CNOT6L: variants seen among roughly 807,000 people sequenced by gnomAD.
CNOT6L encodes CCR4-NOT transcription complex subunit 6 like, also known as CCR4-NOT transcription complex subunit 6-like.
CNOT6L carries 7 observed loss-of-function variants against 64.0 expected under a neutral mutation model. The ratio of observed to expected loss-of-function variants is 0.11; its 90% confidence interval spans 0.06 to 0.21. The LOEUF (loss-of-function observed/expected upper bound fraction) is 0.21, where lower values mean the gene tolerates loss of function less well. Ranked by LOEUF, CNOT6L falls within the 10% of genes least tolerant of loss-of-function variation. The probability of loss-of-function intolerance (pLI) is 1.00; values close to 1 mark genes in which losing one functional copy is unlikely to be tolerated. For missense variants in CNOT6L, 245 were observed against 669.0 expected (o/e 0.37, Z 6.99); for synonymous variants, 193 against 243.4 (o/e 0.79, Z 1.93).
intron 1 of CNOT6L, 186 bp downstream of exon 1, chr4:77,819,118 C>T: frequency 1.7e-6 from 2 of 1,150,236 alleles, no homozygotes; most frequent in South Asian, 1.3e-5. Context: ...GGGTCAGCCC[C>T]GCCGCCCCCT....
At chr4:77,798,892 T>C (rs1011976787) in intron 1 of CNOT6L, among the ~76,000 whole-genome samples, 5 of 151,150 alleles carry the variant, frequency 3.3e-5, no homozygotes, top group Non-Finnish European at 5.9e-5. Flanking sequence ...CGAGGTAGGA[T>C]TGCTTGAGCC....
At chr4:77,723,388 T>C (rs886586408) in intron 11 of CNOT6L, among the ~76,000 whole-genome samples, 1 of 152,196 alleles carries the variant, frequency 6.6e-6, no homozygotes, top group Non-Finnish European at 1.5e-5. Flanking sequence ...ACCTCACTGA[T>C]ACAATGGCCC....
chr4:77,732,628 C>T (rs1722569635), intron 8 of CNOT6L, among the ~76,000 whole-genome samples: 1 of 152,018 alleles, frequency 6.6e-6, no homozygotes. Context: ...GTTTATGTGC[C>T]TATTTCTAAC....
At chr4:77,772,409 A>C (rs1577969200) in intron 4 of CNOT6L, among the ~76,000 whole-genome samples, 1 of 152,152 alleles carries the variant, frequency 6.6e-6, no homozygotes, top group East Asian at 1.9e-4. Flanking sequence ...TATTTTTAGT[A>C]GAGACAGGGT....
At chr4:77,737,753 A>C (rs1560579491) in intron 8 of CNOT6L, among the ~76,000 whole-genome samples, 1 of 151,974 alleles carries the variant, frequency 6.6e-6, no homozygotes, top group Non-Finnish European at 1.5e-5. Context: ...GTGCATCCAC[A>C]TTCATTATTT....
chr4:77,737,946 T>C (rs917871262), intron 8 of CNOT6L, among the ~76,000 whole-genome samples: 14 of 152,064 alleles, frequency 9.2e-5, no homozygotes, highest in African/African-American at 3.4e-4. Flanking sequence ...CAACCACCTA[T>C]GACACAGGAA....
chr4:77,787,535 T>C (rs1299001117), intron 1 of CNOT6L, among the ~76,000 whole-genome samples: 1 of 152,184 alleles, frequency 6.6e-6, no homozygotes, highest in East Asian at 1.9e-4. Flanking sequence ...TCATTACACT[T>C]ACCCCCAGTT....
At chr4:77,820,225 C>T (rs907114901), upstream of CNOT6L, among the ~76,000 whole-genome samples, 3 of 152,138 alleles carry the variant, frequency 2.0e-5, no homozygotes, top group African/African-American at 7.2e-5. Context: ...GCAGAGAGTG[C>T]GAGAACGAGG....
intron 5 of CNOT6L, among the ~76,000 whole-genome samples, chr4:77,752,984 A>G (rs546406028): frequency 6.6e-6 from 1 of 151,924 alleles, no homozygotes; most frequent in South Asian, 2.1e-4. Flanking sequence ...TCTGAAATGG[A>G]AAAAAGACAT....
At chr4:77,793,022 C>T (rs532887277) in intron 1 of CNOT6L, among the ~76,000 whole-genome samples, 1 of 151,416 alleles carries the variant, frequency 6.6e-6, no homozygotes, top group Non-Finnish European at 1.5e-5. Flanking sequence ...ACAGCCCCCA[C>T]AACAAGAAAT....
chr4:77,787,665 G>C (rs1577985353), intron 1 of CNOT6L, among the ~76,000 whole-genome samples: 1 of 152,102 alleles, frequency 6.6e-6, no homozygotes, highest in East Asian at 1.9e-4. Flanking sequence ...CCACTTAAAG[G>C]AGACTACACT....
Position 77,752,925 on chromosome 4 carries a change from GA to G in CNOT6L, c.490+3936del, listed in dbSNP as rs1440351321. ...CTAAAAGTTGGTTCTTCTTTTCAAA[GA>G]AAATATTAATAAATGCCTGCATAAT... On this transcript the variant is annotated intron_variant, in intron 5 of 11. Coordinates refer to ENST00000504123, the MANE Select transcript of CNOT6L (RefSeq NM_144571.3). Among the ~76,000 whole-genome samples the G allele has an allele frequency of 3.3e-5, 5 of 151,598 alleles. No individual in the cohort carries two copies. The South Asian group carries it at 1.0e-3, about 31-fold the overall frequency.
rs745353758 is a variant in CNOT6L, at chr4:77,773,070, A to AAT, written c.400+10_400+11insAT. The AAT allele has an allele frequency of 2.3e-5, 37 of 1,578,474 alleles. No homozygotes were observed. Among genetic ancestry groups the AAT allele is most frequent in the Admixed American group, 3.6e-5 (2 of 55,100 alleles). On this transcript the variant is annotated intron_variant, in intron 4 of 11. Transcript: ENST00000504123. ...CTCAGAATACCTCAAAACTGTTTAA[A>AAT]AATCACTTACCTTTCAAACCTAGAG...
At chr4:77,736,593 C>G (rs1047520020) in intron 8 of CNOT6L, among the ~76,000 whole-genome samples, 1 of 151,926 alleles carries the variant, frequency 6.6e-6, no homozygotes, top group Non-Finnish European at 1.5e-5. Flanking sequence ...GGTTTTCTGC[C>G]ATTCTTTCTA....
At chr4:77,745,727 T>C (rs1332774328) in intron 6 of CNOT6L, among the ~76,000 whole-genome samples, 1 of 152,228 alleles carries the variant, frequency 6.6e-6, no homozygotes, top group Non-Finnish European at 1.5e-5. Context: ...GACTCCAGAC[T>C]AATTAAGTTG....
chr4:77,775,132 G>T (rs1008655254), intron 2 of CNOT6L, among the ~76,000 whole-genome samples: 1 of 152,116 alleles, frequency 6.6e-6, no homozygotes, highest in Non-Finnish European at 1.5e-5. Context: ...ATCCTACAAT[G>T]CACACAACAG....
intron 6 of CNOT6L, among the ~76,000 whole-genome samples, chr4:77,748,029 C>A (rs1038114681): frequency 3.9e-5 from 6 of 151,988 alleles, no homozygotes; most frequent in Non-Finnish European, 8.8e-5. Context: ...CCAAGGGCTG[C>A]ATTACTTAAA....
intron 4 of CNOT6L, among the ~76,000 whole-genome samples, chr4:77,759,560 G>C (rs558803022): frequency 6.9e-5 from 10 of 145,634 alleles, no homozygotes; most frequent in African/African-American, 2.2e-4. Flanking sequence ...GCGTGACTCC[G>C]TCTCCAAAAA....
chr4:77,752,320 AC>A (rs756091882), intron 5 of CNOT6L, among the ~76,000 whole-genome samples: 2 of 152,208 alleles, frequency 1.3e-5, no homozygotes, highest in Non-Finnish European at 2.9e-5. Flanking sequence ...TACCATTTTG[AC>A]ATAGCTTTAT....
Sources: gnomAD v4.1 joint callset for allele counts (sites outside exome capture counted in the v4.1 genomes callset) on GRCh38, gnomAD v4.1.1 for gene constraint, MANE v1.5 for transcripts, NCBI Gene and HGNC (gene_info 2026-07-23, HGNC 2026-07-21) for gene names.